The following GATA2 variants were observed in gnomAD, a reference collection of about 807,000 sequenced individuals.
GATA2 encodes endothelial transcription factor GATA-2.
GATA2 carries 6 observed loss-of-function variants against 35.7 expected under a neutral mutation model. The ratio of observed to expected loss-of-function variants is 0.17; its 90% CI spans 0.09 to 0.33. The LOEUF is 0.33. Among genes scored for constraint, GATA2 ranks in the 10% least tolerant of loss-of-function variants. GATA2 has a pLI of 1.00. For synonymous variants in GATA2, 313 were observed against 274.9 expected (o/e 1.14, Z -1.37); for missense variants, 541 against 656.6 (o/e 0.82, Z 1.92).
chr3:128,491,401 A>G (rs2068766302), intron 1 of GATA2, among the ~76,000 whole-genome samples: 4 of 152,260 alleles, frequency 2.6e-5, no homozygotes, highest in Admixed American at 2.6e-4. Flanking sequence ...CCTTCCATAG[A>G]GAAATTTAAT....
rs2068703559 is a variant in GATA2, at chr3:128,486,660, T to C, written c.229+143A>G. ...TCCCAGACCCTCCCCAATCGGCCGC[T>C]GCTCCCACCTCTCCCGCCCCAATTT... On this transcript the variant is annotated intron_variant, in intron 2 of 5. Transcript: ENST00000341105. 1.5e-5 allele frequency: 14 copies of C among 924,978 alleles called. No homozygotes were observed. In the East Asian group the frequency reaches 3.7e-4, roughly 24 times the overall value. The allele number at this position is 924,978 out of a possible 1,614,324, so 57.3% of individuals were successfully genotyped here.
chr3:128,491,396 C>T (rs2068766221), intron 1 of GATA2, among the ~76,000 whole-genome samples: 1 of 152,180 alleles, frequency 6.6e-6, no homozygotes, highest in South Asian at 2.1e-4. Flanking sequence ...GACTACCTTC[C>T]ATAGAGAAAT....
chr3:128,484,056 CGGGA>C, intron 3 of GATA2, 51 bp from the exon 4 acceptor site: 1 of 1,598,466 alleles, frequency 6.3e-7, no homozygotes, highest in Non-Finnish European at 8.5e-7. Context: ...GGCAAGTTCT[CGGGA>C]GGGAGTCCAG....
Position 128,486,891 on chromosome 3 carries a change from G to A in GATA2, c.141C>T (p.Val47=), listed in dbSNP as rs1368584928. 1 of 1,612,802 alleles carries A rather than the reference G, an allele frequency of 6.2e-7. No homozygotes were observed. Among genetic ancestry groups the A allele is most frequent in the East Asian group, 2.2e-5 (1 of 44,844 alleles). Residue 47 remains valine, a synonymous_variant, in exon 2 of 6, where the codon GTC becomes GTT. Coordinates refer to ENST00000341105, the MANE Select transcript of GATA2 (RefSeq NM_032638.5). Reference sequence around the variant, plus strand: ...CCTGCGAGTCGAGGTGATTGAAGAAGACGTCCACCTCGTCTGGAGGCAGCA... The same window carrying A: ...CCTGCGAGTCGAGGTGATTGAAGAAAACGTCCACCTCGTCTGGAGGCAGCA... The part of the protein sequence containing the change: ...AQLLPPDEVD[V]FFNHLDSQGN...
chr3:128,486,745 C>G, intron 2 of GATA2, 58 bp downstream of exon 2: 1 of 1,483,234 alleles, frequency 6.7e-7, no homozygotes, highest in Non-Finnish European at 9.2e-7. Flanking sequence ...GGCCCTCCTC[C>G]CCTCCCTCGC....
Position 128,484,631 on chromosome 3 carries a change from C to T in GATA2, c.872-626G>A, listed in dbSNP as rs530229477. ...AGCTCTTTCTTTTTTAGATAAGTGGCCTGGGTTTTTTTTGTTTGTATTTTT... is the reference window on the plus strand; with the variant it reads ...AGCTCTTTCTTTTTTAGATAAGTGGTCTGGGTTTTTTTTGTTTGTATTTTT... On this transcript the variant is annotated intron_variant, in intron 3 of 5. Transcript: ENST00000341105. Among the ~76,000 whole-genome samples, 7 of 146,152 alleles carry T rather than the reference C, an allele frequency of 4.8e-5. No homozygotes were observed. In the East Asian group the frequency reaches 1.4e-3, roughly 29 times the overall value.
At position 128,486,199 on chromosome 3, in the gene GATA2, G is replaced by A. The variant is rs1231963924; in HGVS notation, c.399C>T (p.Gly133=). ...KTPLHPSAAG[G]PGGPLSVYPG... Reference sequence around the variant, plus strand: ...GGTACACAGAGAGTGGGCCTCCAGGGCCTCCAGCAGCTGAGGGGTGCAGTG... The same window carrying A: ...GGTACACAGAGAGTGGGCCTCCAGGACCTCCAGCAGCTGAGGGGTGCAGTG... Residue 133 remains glycine, a synonymous_variant, in exon 3 of 6, where the codon GGC becomes GGT. Coordinates refer to ENST00000341105, the MANE Select transcript of GATA2 (RefSeq NM_032638.5). 3.8e-6 allele frequency: 6 copies of A among 1,560,440 alleles called. No homozygotes were observed. Among genetic ancestry groups the A allele is most frequent in the Non-Finnish European group, 5.2e-6 (6 of 1,152,546 alleles).
In GATA2 at chr3:128,488,070, C is replaced by T. The variant is rs545430352; in HGVS notation, c.-45-994G>A. 15 of 152,378 alleles carry T rather than the reference C, an allele frequency of 9.8e-5. No individual in the cohort carries two copies. In the East Asian group the frequency reaches 2.3e-3, roughly 24 times the overall value. 9.4% of individuals were successfully genotyped at this position (152,378 alleles called of 1,614,324 possible). ...CGGGACTGACCCGCGGGCCGGCCCCCCTCAGCCGGCGGGCCCCCTCCCTGC... is the reference window on the plus strand; with the variant it reads ...CGGGACTGACCCGCGGGCCGGCCCCTCTCAGCCGGCGGGCCCCCTCCCTGC... On this transcript the variant is annotated intron_variant, in intron 1 of 5. Transcript: ENST00000341105. This position sits in a 1 kb window ranked among gnomAD's most constrained non-coding sequence, Gnocchi z 5.8.
At chr3:128,486,745 C>A in intron 2 of GATA2, 58 bp downstream of exon 2, 1 of 1,483,232 alleles carries the variant, frequency 6.7e-7, no homozygotes, top group South Asian at 1.2e-5. Context: ...GGCCCTCCTC[C>A]CCTCCCTCGC....
Position 128,487,050 on chromosome 3 carries a change from A to G in GATA2, c.-19T>C. 6.4e-7 allele frequency: 1 copy of G among 1,555,186 alleles called. No individual in the cohort carries two copies. Among genetic ancestry groups the G allele is most frequent in the Non-Finnish European group, 8.7e-7 (1 of 1,150,544 alleles). ...CCTCCATGGCCGGCGGCGGCGGCTC[A>G]GGGTCTGGGTGCAGACGGCAACGGC... On this transcript the variant is annotated 5_prime_UTR_variant, in exon 2 of 6. Coordinates refer to ENST00000341105, the MANE Select transcript of GATA2 (RefSeq NM_032638.5).
chr3:128,487,408 A>T (rs1283588872), intron 1 of GATA2, among the ~76,000 whole-genome samples: 1 of 151,342 alleles, frequency 6.6e-6, no homozygotes. Context: ...CCCGCCCGGT[A>T]GACAAACACA....
Position 128,481,041 on chromosome 3 carries a change from C to A in GATA2, c.1421G>T (p.Ser474Ile). Reference protein sequence around the residue: ...SLSFGHPHPSSMVTAMG With the variant: ...SLSFGHPHPSIMVTAMG ...TCCCTAGCCCATGGCGGTCACCATG[C>A]TGGACGGGTGGGGGTGGCCGAAGGA... Residue 474 changes from serine to isoleucine, a missense_variant, in exon 6 of 6, where the codon AGC (serine) becomes ATC (isoleucine). Ser to Ile is a moderately radical substitution (Grantham distance 142). Around this residue, in one of 5 missense-constraint regions of GATA2, gnomAD observed 95 missense variants for 114.0 expected, o/e 0.83. Transcript: ENST00000341105. The A allele has an allele frequency of 6.3e-7, 1 of 1,586,858 alleles. No homozygotes were observed. The highest frequency in any genetic ancestry group is 1.2e-5 in the South Asian group (1 of 85,348).
chr3:128,479,986 A>T lies in GATA2; in HGVS notation c.*1033T>A. ...AGGCCCCTCCCCACCCCCAGCTTTC[A>T]TACTAGGGCTGTGGGATCCCAGCTC... On this transcript the variant is annotated 3_prime_UTR_variant, in exon 6 of 6. Coordinates refer to ENST00000341105, the MANE Select transcript of GATA2 (RefSeq NM_032638.5). The T allele has an allele frequency of 4.3e-6, 1 of 232,800 alleles. No homozygotes were observed. Among genetic ancestry groups the T allele is most frequent in the Non-Finnish European group, 8.5e-6 (1 of 117,774 alleles). The allele number at this position is 232,800 out of a possible 1,614,324, so 14.4% of individuals were successfully genotyped here.
chr3:128,483,656 G>A (rs2068658211), intron 4 of GATA2, among the ~76,000 whole-genome samples: 1 of 152,160 alleles, frequency 6.6e-6, no homozygotes, highest in African/African-American at 2.4e-5. Flanking sequence ...TGCCCGGTGG[G>A]CTCCCTATAC....
rs374457534 is a variant in GATA2, at chr3:128,481,230, G to A, written c.1232C>T (p.Ala411Val). 4.7e-5 allele frequency: 76 copies of A among 1,614,094 alleles called. No individual in the cohort carries two copies. Among genetic ancestry groups the A allele is most frequent in the Non-Finnish European group, 4.8e-5 (57 of 1,180,050 alleles). The change falls in exon 6 of 6, where the codon GCG becomes GTG. Residue 411 changes from alanine to valine, a missense_variant. Physicochemically the swap from Ala to Val is moderately conservative, Grantham distance 64 (BLOSUM62 0). Coordinates refer to ENST00000341105, the MANE Select transcript of GATA2 (RefSeq NM_032638.5). ...SNKSKKSKKG[A>V]ECFEELSKCM... ...CTTTGACAGCTCCTCGAAGCACTCCGCCCCTTTCTTGCTCTTCTTGGACTT... is the reference window on the plus strand; with the variant it reads ...CTTTGACAGCTCCTCGAAGCACTCCACCCCTTTCTTGCTCTTCTTGGACTT...
At position 128,485,734 on chromosome 3, in the gene GATA2, G is replaced by A. The variant is rs749316796; in HGVS notation, c.864C>T (p.Ser288=). The A allele has an allele frequency of 6.2e-7, 1 of 1,613,768 alleles. No homozygotes were observed. The highest frequency in any genetic ancestry group is 8.5e-7 in the Non-Finnish European group (1 of 1,179,948). Residue 288 remains serine, a synonymous_variant, in exon 3 of 6, where the codon TCC becomes TCT. Coordinates refer to ENST00000341105, the MANE Select transcript of GATA2 (RefSeq NM_032638.5). ...CCCAGCACCTGCCTTTACCTGAACA[G>A]GAACGAGCCTTGCTGCGCTGCTTAG... ...FTPKQRSKAR[S]CSEGRECVNC...
In GATA2 at chr3:128,486,214, G is replaced by A; in HGVS notation, c.384C>T (p.Pro128=). ...VSPFSKTPLH[P]SAAGGPGGPL... ...GGCCTCCAGGGCCTCCAGCAGCTGA[G>A]GGGTGCAGTGGCGTCTTGGAGAAGG... Residue 128 remains proline (P), a synonymous_variant, in exon 3 of 6, where the codon CCC becomes CCT. Coordinates refer to ENST00000341105, the MANE Select transcript of GATA2 (RefSeq NM_032638.5). The A allele has an allele frequency of 6.4e-7, 1 of 1,560,592 alleles. No homozygotes were observed. The highest frequency in any genetic ancestry group is 8.7e-7 in the Non-Finnish European group (1 of 1,152,504).
At chr3:128,483,772 T>G in intron 4 of GATA2, 88 bp downstream of exon 4, 1 of 1,538,806 alleles carries the variant, frequency 6.5e-7, no homozygotes, top group Non-Finnish European at 9.0e-7. Flanking sequence ...CGGCAAAGCG[T>G]CTGCATTTGA....
Position 128,486,805 on chromosome 3 carries a change from T to G in GATA2, c.227A>C (p.His76Pro). 1 of 1,601,354 alleles carries G rather than the reference T, an allele frequency of 6.2e-7. No homozygotes were observed. Among genetic ancestry groups the G allele is most frequent in the Non-Finnish European group, 8.5e-7 (1 of 1,175,284 alleles). ...ARARVSYSPA[H>P]ARLTGGQMCR... ...ATCACCACGGGCCCAGTGCTCACCG[T>G]GCGCGGGGCTGTAGGAGACGCGCGC... Residue 76 changes from histidine (H) to proline (P), a missense_variant and splice_region_variant, in exon 2 of 6, where the codon CAC becomes CCC. Around this residue, in one of 5 missense-constraint regions of GATA2, gnomAD observed 389 missense variants for 396.9 expected, o/e 0.98. Transcript: ENST00000341105.
Sources: allele counts gnomAD v4.1 joint callset (sites outside exome capture counted in the v4.1 genomes callset), GRCh38; gene constraint gnomAD v4.1.1; regional missense constraint gnomAD v4.1.1; non-coding constraint Gnocchi (gnomAD v3.1); transcripts MANE v1.5; gene names NCBI Gene and HGNC (gene_info 2026-07-23, HGNC 2026-07-21).